The following GLDC variants were observed in gnomAD, a reference collection of about 807,000 sequenced individuals.
The protein encoded by GLDC is glycine dehydrogenase (decarboxylating), mitochondrial.
A neutral mutation model predicts 121.3 loss-of-function variants in GLDC; 104 were observed. That is an observed-to-expected ratio of 0.86 (90% CI 0.73 to 1.01). The LOEUF is 1.01. Among genes scored for constraint, GLDC ranks in the 50% least tolerant of loss-of-function variants. The probability of loss-of-function intolerance (pLI) is 0.00; values close to 1 mark genes in which losing one functional copy is unlikely to be tolerated. For synonymous variants in GLDC, 546 were observed against 480.6 expected, an observed-to-expected ratio of 1.14 and a Z score of -1.78; for missense variants, 1,429 against 1,306.6, an observed-to-expected ratio of 1.09 and a Z score of -1.44.
At chr9:6,587,546 G>T (rs1166997814) in intron 14 of GLDC, among the ~76,000 whole-genome samples, 1 of 152,152 alleles carries the variant, frequency 6.6e-6, no homozygotes, top group East Asian at 1.9e-4. Flanking sequence ...GGGAAGAAAA[G>T]CCCCCAAAAC....
In GLDC at chr9:6,620,344, T is replaced by A. The variant is rs368350300; in HGVS notation, c.335-25A>T. On this transcript the variant is annotated intron_variant, in intron 2 of 24. Transcript: ENST00000321612. ...CCTAATTGTGGGAAAAAGAGAAATGTTACAGACAGATGTCTCAGAAAAGAG... is the reference window on the plus strand; with the variant it reads ...CCTAATTGTGGGAAAAAGAGAAATGATACAGACAGATGTCTCAGAAAAGAG... 4.4e-6 allele frequency: 7 copies of A among 1,605,950 alleles called. No individual in the cohort carries two copies. In the African/African-American group the frequency reaches 9.4e-5, roughly 21 times the overall value.
intron 2 of GLDC, among the ~76,000 whole-genome samples, chr9:6,624,336 G>T (rs754603832): frequency 2.6e-5 from 4 of 152,184 alleles, no homozygotes; most frequent in Non-Finnish European, 4.4e-5. Flanking sequence ...AGGGTCAGCC[G>T]TAATCCAATG....
chr9:6,579,136 T>C (rs1411144909), intron 15 of GLDC, among the ~76,000 whole-genome samples: 2 of 152,154 alleles, frequency 1.3e-5, no homozygotes, highest in African/African-American at 4.8e-5. Flanking sequence ...TTCTTATTTG[T>C]ATATATATAT....
In GLDC at chr9:6,605,203, C is replaced by G; in HGVS notation, c.789G>C (p.Leu263Phe). Reference sequence around the variant, plus strand: ...TCCCCTCCGTGTCTGGGTACTGGAACAACACTCCACTGACATCTTTTCCAC... The same window carrying G: ...TCCCCTCCGTGTCTGGGTACTGGAAGAACACTCCACTGACATCTTTTCCAC... ...DFSGKDVSGV[L>F]FQYPDTEGKV... Residue 263 changes from leucine (L) to phenylalanine (F), a missense_variant, in exon 6 of 25, where the codon TTG becomes TTC. Physicochemically the swap from Leu to Phe is conservative, Grantham distance 22. Coordinates refer to ENST00000321612, the MANE Select transcript of GLDC (RefSeq NM_000170.3). 6.2e-7 allele frequency: 1 copy of G among 1,613,640 alleles called. No homozygotes were observed. The highest frequency in any genetic ancestry group is 8.5e-7 in the Non-Finnish European group (1 of 1,179,638).
intron 19 of GLDC, 105 bp from the exon 20 acceptor site, chr9:6,553,614 T>A: frequency 9.2e-7 from 1 of 1,083,540 alleles, no homozygotes; most frequent in Non-Finnish European, 1.4e-6. Flanking sequence ...GCAGAGGAGC[T>A]CTGACAGTGG....
At chr9:6,582,648 T>C (rs566945135) in intron 15 of GLDC, among the ~76,000 whole-genome samples, 170 of 151,130 alleles carry the variant, frequency 1.1e-3, no homozygotes, top group African/African-American at 3.9e-3. Flanking sequence ...GCTAACACGG[T>C]GAAACCCTGT....
intron 15 of GLDC, among the ~76,000 whole-genome samples, chr9:6,586,716 T>A (rs897893782): frequency 6.6e-6 from 1 of 152,200 alleles, no homozygotes; most frequent in Non-Finnish European, 1.5e-5. Flanking sequence ...CCCGATTCAA[T>A]CTGGGCTCGC....
intron 5 of GLDC, chr9:6,605,501 C>CT (rs1481160956): frequency 1.7e-6 from 1 of 592,190 alleles, no homozygotes; most frequent in African/African-American, 1.8e-5. Context: ...TATCCTCTGA[C>CT]TCCCCTTTGC....
chr9:6,644,748 T>A, intron 1 of GLDC, 56 bp from the exon 2 acceptor site: 4 of 1,222,920 alleles, frequency 3.3e-6, no homozygotes, highest in Non-Finnish European at 4.8e-6. Flanking sequence ...GAGTCACCTC[T>A]GTGTTTTGCG....
At chr9:6,558,067 C>G in intron 17 of GLDC, 1 of 220,628 alleles carries the variant, frequency 4.5e-6, no homozygotes, top group Non-Finnish European at 9.0e-6. Flanking sequence ...TGGTGGGAAG[C>G]AGATACGGTT....
chr9:6,562,622 C>T (rs1213141908), intron 16 of GLDC, among the ~76,000 whole-genome samples: 5 of 152,100 alleles, frequency 3.3e-5, no homozygotes, highest in East Asian at 1.9e-4. Flanking sequence ...TGCAGTGGTG[C>T]GATCTCAGCT....
At chr9:6,629,958 T>TATATATATATATATGTATACATATA in intron 2 of GLDC, among the ~76,000 whole-genome samples, 1 of 78,680 alleles carries the variant, frequency 1.3e-5, no homozygotes, top group Non-Finnish European at 2.4e-5. Flanking sequence ...TATATATATA[T>TATATATATATATATGTATACATATA]TTTTTTTTTT....
In GLDC at chr9:6,602,113, G is replaced by A; in HGVS notation, c.1151C>T (p.Ala384Val). 1 of 1,592,960 alleles carries A rather than the reference G, an allele frequency of 6.3e-7. No individual in the cohort carries two copies. Among genetic ancestry groups the A allele is most frequent in the Non-Finnish European group, 8.6e-7 (1 of 1,160,808 alleles). The change falls in exon 8 of 25, where the codon GCT (alanine) becomes GTT (valine). Residue 384 changes from alanine to valine, a missense_variant. Coordinates refer to ENST00000321612, the MANE Select transcript of GLDC (RefSeq NM_000170.3). Reference protein sequence around the residue: ...RDKATSNICTAQALLANMAAM... With the variant: ...RDKATSNICTVQALLANMAAM... Reference sequence around the variant, plus strand: ...CAGGTCAGACGTGTGATTTACCTGAGCTGTACAGATGTTGCTGGTAGCCTT... The same window carrying A: ...CAGGTCAGACGTGTGATTTACCTGAACTGTACAGATGTTGCTGGTAGCCTT...
In GLDC at chr9:6,547,092, C is replaced by T. The variant is rs114883150; in HGVS notation, c.2569+3711G>A. ...GTAAGTGTCATACTTTTAGACAACCCGCCTCAGCCTTCCAAAGTGCTTGGA... is the reference window on the plus strand; with the variant it reads ...GTAAGTGTCATACTTTTAGACAACCTGCCTCAGCCTTCCAAAGTGCTTGGA... On this transcript the variant is annotated intron_variant, in intron 21 of 24. Coordinates refer to ENST00000321612, the MANE Select transcript of GLDC (RefSeq NM_000170.3). 5.9e-3 allele frequency among the ~76,000 whole-genome samples: 904 copies of T among 152,090 alleles called. 10 individuals carry two copies. Among genetic ancestry groups the T allele is most frequent in the African/African-American group, 0.02 (812 of 41,486 alleles).
intron 3 of GLDC, among the ~76,000 whole-genome samples, chr9:6,611,034 T>G (rs2129918906): frequency 6.6e-6 from 1 of 152,364 alleles, no homozygotes; most frequent in East Asian, 1.9e-4. Context: ...TTTATTTATT[T>G]GGATATTTGT....
At chr9:6,539,291 A>C (rs1242682062) in intron 22 of GLDC, among the ~76,000 whole-genome samples, 2 of 152,142 alleles carry the variant, frequency 1.3e-5, no homozygotes, top group Non-Finnish European at 1.5e-5. Context: ...CAGCCTGGCC[A>C]ACATGGTGAA....
chr9:6,576,951 C>G (rs1818076752), intron 15 of GLDC, among the ~76,000 whole-genome samples: 1 of 152,124 alleles, frequency 6.6e-6, no homozygotes, highest in Admixed American at 6.5e-5. Context: ...CCTTAAAAAC[C>G]TCACATTTTC....
intron 2 of GLDC, among the ~76,000 whole-genome samples, chr9:6,641,524 G>C (rs1038532548): frequency 6.6e-6 from 1 of 152,224 alleles, no homozygotes; most frequent in Non-Finnish European, 1.5e-5. Context: ...GTGGACAGTG[G>C]AGCTGGGCTG....
chr9:6,564,500 T>C (rs1817816919), intron 16 of GLDC, among the ~76,000 whole-genome samples: 1 of 152,238 alleles, frequency 6.6e-6, no homozygotes, highest in East Asian at 1.9e-4. Context: ...CCCTACTTAC[T>C]TAGCCAGCCA....
Sources: gnomAD v4.1 joint callset for allele counts (sites outside exome capture counted in the v4.1 genomes callset) on GRCh38, gnomAD v4.1.1 for gene constraint, MANE v1.5 for transcripts, NCBI Gene and HGNC (gene_info 2026-07-23, HGNC 2026-07-21) for gene names.